TNRC6B: variants seen among roughly 807,000 people sequenced by gnomAD.
TNRC6B encodes trinucleotide repeat-containing gene 6B protein.
TNRC6B carries 52 observed loss-of-function variants against 203.6 expected under a neutral mutation model. The observed-to-expected ratio is 0.26, with a 90% CI of 0.20 to 0.32. The LOEUF (loss-of-function observed/expected upper bound fraction) is 0.32. Ranked by LOEUF, TNRC6B falls within the 10% of genes least tolerant of loss-of-function variation. The probability of loss-of-function intolerance (pLI) is 1.00; values close to 1 mark genes in which losing one functional copy is unlikely to be tolerated. For missense variants in TNRC6B, 1,923 were observed against 2,286.2 expected, an observed-to-expected ratio of 0.84 and a Z score of 3.24; for synonymous variants, 838 against 845.7, an observed-to-expected ratio of 0.99 and a Z score of 0.16.
At chr22:40,077,555 C>G (rs2068027709) in intron 1 of TNRC6B, among the ~76,000 whole-genome samples, 1 of 152,058 alleles carries the variant, frequency 6.6e-6, no homozygotes, top group Non-Finnish European at 1.5e-5. Context: ...TACGGTGATT[C>G]AGTATTTTGC....
chr22:40,214,722 A>G (rs914585544), intron 1 of TNRC6B, among the ~76,000 whole-genome samples: 1 of 151,830 alleles, frequency 6.6e-6, no homozygotes, highest in Admixed American at 6.6e-5. Context: ...CCAACTAATT[A>G]TTTTTTATTT....
intron 12 of TNRC6B, among the ~76,000 whole-genome samples, chr22:40,293,071 A>G (rs1013664441): frequency 1.3e-5 from 2 of 151,786 alleles, no homozygotes; most frequent in Non-Finnish European, 2.9e-5. Flanking sequence ...TTCATATGAT[A>G]TTCCATTATA....
At chr22:40,298,594 G>A (rs9623163) in intron 12 of TNRC6B, among the ~76,000 whole-genome samples, 1,594 of 152,350 alleles carry the variant, frequency 0.01, 22 homozygotes, top group African/African-American at 0.037. Context: ...AGTTAATATT[G>A]TTGTCATTCC....
At chr22:40,064,091 T>C (rs1289635500) in intron 1 of TNRC6B, among the ~76,000 whole-genome samples, 1 of 152,236 alleles carries the variant, frequency 6.6e-6, no homozygotes, top group East Asian at 1.9e-4. Context: ...TTTTAATACA[T>C]TAATCTTGTA....
intron 17 of TNRC6B, 122 bp downstream of exon 17, chr22:40,311,115 C>T (rs2071173855): frequency 1.7e-6 from 2 of 1,144,638 alleles, no homozygotes; most frequent in Non-Finnish European, 2.4e-6. Flanking sequence ...TTTTTTCATT[C>T]AATAATTGTC....
At chr22:40,099,854 C>T (rs1313272237) in intron 1 of TNRC6B, among the ~76,000 whole-genome samples, 1 of 151,312 alleles carries the variant, frequency 6.6e-6, no homozygotes, top group Non-Finnish European at 1.5e-5. Context: ...GGGCTCACGC[C>T]ATTCTCCTTC....
At chr22:40,221,641 T>C (rs1006611910) in intron 1 of TNRC6B, among the ~76,000 whole-genome samples, 12 of 152,174 alleles carry the variant, frequency 7.9e-5, no homozygotes, top group Non-Finnish European at 1.8e-4. Context: ...TTCCGGTATG[T>C]TGGCCAAGCT....
chr22:40,232,118 A>C (rs2069880164), intron 1 of TNRC6B, among the ~76,000 whole-genome samples: 2 of 152,182 alleles, frequency 1.3e-5, no homozygotes, highest in African/African-American at 2.4e-5. Context: ...TGGAAAAGTG[A>C]CTTAGCAGTA....
intron 1 of TNRC6B, among the ~76,000 whole-genome samples, chr22:40,244,505 G>A (rs1413516797): frequency 5.3e-5 from 8 of 150,582 alleles, no homozygotes; most frequent in Admixed American, 4.6e-4. Flanking sequence ...ATGTATTCAC[G>A]AGAGCCCACC....
intron 3 of TNRC6B, among the ~76,000 whole-genome samples, chr22:40,148,285 T>TC (rs1304708090): frequency 2.1e-5 from 3 of 143,400 alleles, no homozygotes; most frequent in African/African-American, 7.6e-5. Context: ...AACAGTTTCT[T>TC]TTTTTTTTTT....
chr22:40,281,055 C>CT (rs2070716012), intron 10 of TNRC6B, 64 bp from the exon 11 acceptor site: 8 of 1,340,744 alleles, frequency 6.0e-6, no homozygotes, highest in Non-Finnish European at 8.0e-6. Context: ...CTTTTCCCTT[C>CT]TTGCATTCTG....
chr22:40,090,370 G>A (rs1351916315), intron 1 of TNRC6B, among the ~76,000 whole-genome samples: 1 of 151,008 alleles, frequency 6.6e-6, no homozygotes, highest in Admixed American at 6.6e-5. Context: ...TGCATTTTGG[G>A]CATCTAATGG....
intron 5 of TNRC6B, 126 bp downstream of exon 5, chr22:40,267,162 TTGC>T: frequency 2.0e-6 from 2 of 993,038 alleles, no homozygotes; most frequent in Non-Finnish European, 2.8e-6. Context: ...TTCTACTCTG[TTGC>T]TAACAGAACC....
intron 1 of TNRC6B, among the ~76,000 whole-genome samples, chr22:40,064,109 A>G (rs2067876342): frequency 6.6e-6 from 1 of 152,184 alleles, no homozygotes; most frequent in African/African-American, 2.4e-5. Flanking sequence ...GTATCCTGAA[A>G]ACTTGCTGAA....
chr22:40,052,728 C>T (rs1299491595), intron 1 of TNRC6B, among the ~76,000 whole-genome samples: 3 of 152,052 alleles, frequency 2.0e-5, no homozygotes, highest in Non-Finnish European at 4.4e-5. Context: ...GGATTACAGG[C>T]GTGAGCCACC....
intron 1 of TNRC6B, among the ~76,000 whole-genome samples, chr22:40,178,927 ATTTC>A (rs1158038214): frequency 2.0e-5 from 3 of 152,156 alleles, no homozygotes; most frequent in Non-Finnish European, 4.4e-5. Flanking sequence ...ATTAGAAATT[ATTTC>A]TTTATCAGTT....
intron 1 of TNRC6B, among the ~76,000 whole-genome samples, chr22:40,242,811 T>C (rs1168704086): frequency 1.3e-5 from 2 of 152,110 alleles, no homozygotes; most frequent in Admixed American, 1.3e-4. Context: ...GGACGCCTTC[T>C]CCACATAGAT....
At position 40,193,569 on chromosome 22, in the gene TNRC6B, G is replaced by A. The variant is rs776848443; in HGVS notation, c.5+15429G>A. Among the ~76,000 whole-genome samples, 5 of 152,150 alleles carry A rather than the reference G, an allele frequency of 3.3e-5. No individual in the cohort carries two copies. In the East Asian group the frequency reaches 5.8e-4, roughly 18 times the overall value. On this transcript the variant is annotated intron_variant, in intron 1 of 22. Coordinates refer to ENST00000454349, the MANE Select transcript of TNRC6B (RefSeq NM_001162501.2). Reference sequence around the variant, plus strand: ...TCTGTGGACTGCAGCCTGGCACTCCGTAGGCACTTCATAAAGTTAGTTGAC... The same window carrying A: ...TCTGTGGACTGCAGCCTGGCACTCCATAGGCACTTCATAAAGTTAGTTGAC...
chr22:40,125,922 GA>G, intron 3 of TNRC6B: 1 of 1,500,010 alleles, frequency 6.7e-7, no homozygotes, highest in Non-Finnish European at 9.0e-7. Flanking sequence ...GGCTGTGGAT[GA>G]GTAGAATGGG....
Sources: allele counts gnomAD v4.1 joint callset (sites outside exome capture counted in the v4.1 genomes callset), GRCh38; gene constraint gnomAD v4.1.1; transcripts MANE v1.5; gene names NCBI Gene and HGNC (gene_info 2026-07-23, HGNC 2026-07-21).